TRPC4: variants seen among roughly 807,000 people sequenced by gnomAD.
TRPC4 encodes short transient receptor potential channel 4.
Under a neutral mutation model 99.4 loss-of-function variants are expected in TRPC4, and 49 were observed. That is an observed-to-expected ratio of 0.49 (90% CI 0.39 to 0.63). The LOEUF (loss-of-function observed/expected upper bound fraction) is 0.63, where lower values mean the gene tolerates loss of function less well. TRPC4 is among the 20% of genes least tolerant of loss of function. The pLI, the probability that TRPC4 is intolerant of heterozygous loss-of-function variation, is 0.00. For synonymous variants in TRPC4, 454 were observed against 425.9 expected (o/e 1.07, Z -0.81); for missense variants, 898 against 1,152.9 (o/e 0.78, Z 3.20).
At chr13:37,776,547 C>T (rs1956709196) in intron 2 of TRPC4, among the ~76,000 whole-genome samples, 1 of 151,730 alleles carries the variant, frequency 6.6e-6, no homozygotes, top group Non-Finnish European at 1.5e-5. Context: ...CTGTCAATAT[C>T]CAGGATTTGA....
chr13:37,721,287 A>C (rs1482395295), intron 3 of TRPC4, among the ~76,000 whole-genome samples: 1 of 152,122 alleles, frequency 6.6e-6, no homozygotes, highest in Non-Finnish European at 1.5e-5. Flanking sequence ...TTATTTTATT[A>C]TTTATTATAT....
chr13:37,816,886 G>T (rs1297739264), intron 1 of TRPC4, among the ~76,000 whole-genome samples: 1 of 151,770 alleles, frequency 6.6e-6, no homozygotes, highest in African/African-American at 2.4e-5. Context: ...AAATTAAAGA[G>T]CCATCTCTGA....
At chr13:37,845,102 C>T (rs1225995307) in intron 1 of TRPC4, among the ~76,000 whole-genome samples, 1 of 152,122 alleles carries the variant, frequency 6.6e-6, no homozygotes, top group Admixed American at 6.5e-5. Flanking sequence ...CACAAGAATC[C>T]ACCCAGTCTA....
rs1440971421 is a variant in TRPC4, at chr13:37,783,114, G to C, written c.220C>G (p.Leu74Val). ...TTCTCATTTTCAATTGCAATGAGGAGAGCAGTTCTTCCGAGAGGATCAATG... is the reference window on the plus strand; with the variant it reads ...TTCTCATTTTCAATTGCAATGAGGACAGCAGTTCTTCCGAGAGGATCAATG... The part of the protein sequence containing the change: ...NCIDPLGRTA[L>V]LIAIENENLE... Residue 74 changes from leucine to valine, a missense_variant, in exon 2 of 11, where the codon CTC (leucine) becomes GTC (valine). Leu to Val is a conservative substitution (Grantham distance 32, BLOSUM62 1). Transcript: ENST00000379705. 1 of 1,613,268 alleles carries C rather than the reference G, an allele frequency of 6.2e-7. No homozygotes were observed. Among genetic ancestry groups the C allele is most frequent in the Admixed American group, 1.7e-5 (1 of 59,854 alleles).
intron 3 of TRPC4, among the ~76,000 whole-genome samples, chr13:37,719,017 C>A (rs1387398859): frequency 6.6e-6 from 1 of 151,938 alleles, no homozygotes; most frequent in African/African-American, 2.4e-5. Context: ...AAAAAAAAAT[C>A]TTAAAAGCAG....
chr13:37,690,098 T>C (rs1953632474), intron 4 of TRPC4, among the ~76,000 whole-genome samples: 1 of 152,252 alleles, frequency 6.6e-6, no homozygotes, highest in Admixed American at 6.5e-5. Context: ...TTAGCCATTA[T>C]GGAAAATGTA....
intron 3 of TRPC4, among the ~76,000 whole-genome samples, chr13:37,699,146 G>T (rs1384976231): frequency 6.6e-6 from 1 of 152,040 alleles, no homozygotes; most frequent in Non-Finnish European, 1.5e-5. Context: ...TTTGTAAAAT[G>T]GGGATAGTAG....
rs961425576 is a variant in TRPC4, at chr13:37,763,092, TA to T, written c.379-16638del. ...GCAATAGTAAAGGCTAATGAATGGTTAAAAAAAACCTATATAATATATACGT... is the reference window on the plus strand; with the variant it reads ...GCAATAGTAAAGGCTAATGAATGGTTAAAAAAACCTATATAATATATACGT... On this transcript the variant is annotated intron_variant, in intron 2 of 10. Transcript: ENST00000379705. Among the ~76,000 whole-genome samples the T allele has an allele frequency of 5.3e-5, 8 of 151,036 alleles. No homozygotes were observed. The East Asian group carries it at 5.9e-4, about 11-fold the overall frequency.
At chr13:37,696,031 A>C (rs929888447) in intron 3 of TRPC4, among the ~76,000 whole-genome samples, 2 of 152,230 alleles carry the variant, frequency 1.3e-5, no homozygotes, top group Non-Finnish European at 2.9e-5. Context: ...GAAACTGGGC[A>C]CTTTACAGAA....
intron 1 of TRPC4, among the ~76,000 whole-genome samples, chr13:37,824,232 A>G (rs1267584813): frequency 4.0e-5 from 6 of 150,358 alleles, no homozygotes; most frequent in Non-Finnish European, 8.8e-5. Flanking sequence ...GGACAATTTG[A>G]CTTCCTCTTT....
chr13:37,676,562 G>A (rs1953058808), intron 4 of TRPC4, among the ~76,000 whole-genome samples: 1 of 151,932 alleles, frequency 6.6e-6, no homozygotes, highest in African/African-American at 2.4e-5. Flanking sequence ...TAGTAGAGAC[G>A]GGGTGTCATC....
intron 3 of TRPC4, among the ~76,000 whole-genome samples, chr13:37,719,013 A>G (rs1230355790): frequency 6.6e-6 from 1 of 152,174 alleles, no homozygotes; most frequent in Non-Finnish European, 1.5e-5. Context: ...AAAGAAAAAA[A>G]AATCTTAAAA....
At chr13:37,828,269 G>A (rs1028898829) in intron 1 of TRPC4, among the ~76,000 whole-genome samples, 8 of 152,140 alleles carry the variant, frequency 5.3e-5, no homozygotes, top group African/African-American at 1.9e-4. Context: ...GACCGGAGCT[G>A]TTCCTATTCG....
chr13:37,867,316 C>T (rs1959826541), intron 1 of TRPC4, among the ~76,000 whole-genome samples: 1 of 151,744 alleles, frequency 6.6e-6, no homozygotes, highest in Non-Finnish European at 1.5e-5. Flanking sequence ...ATATATGCAT[C>T]GATCAGAAAA....
At chr13:37,763,284 A>G (rs1332209150) in intron 2 of TRPC4, among the ~76,000 whole-genome samples, 2 of 151,696 alleles carry the variant, frequency 1.3e-5, no homozygotes, top group Admixed American at 1.3e-4. Context: ...AAAAAGAAGG[A>G]GAGTGTGAAA....
Position 37,692,015 on chromosome 13 carries a change from T to C in TRPC4, c.1218A>G (p.Ile406Met), listed in dbSNP as rs1405901864. The C allele has an allele frequency of 1.2e-6, 2 of 1,613,424 alleles. No homozygotes were observed. The highest frequency in any genetic ancestry group is 1.3e-5 in the African/African-American group (1 of 74,912). Residue 406 changes from isoleucine (I) to methionine (M), a missense_variant, in exon 4 of 11, where the codon ATA becomes ATG. This residue lies in a region of TRPC4 where 274 missense variants were observed against 454.9 expected (regional missense o/e 0.60). Coordinates refer to ENST00000379705, the MANE Select transcript of TRPC4 (RefSeq NM_016179.4). ...GPPPTIVEWMILPWVLGFIWG... is the reference protein window; with the variant it reads ...GPPPTIVEWMMLPWVLGFIWG... Reference sequence around the variant, plus strand: ...CACATTTACCCAGGACCCACGGTAATATCATCCACTCGACGATGGTTGGTG... The same window carrying C: ...CACATTTACCCAGGACCCACGGTAACATCATCCACTCGACGATGGTTGGTG...
intron 3 of TRPC4, among the ~76,000 whole-genome samples, chr13:37,714,919 A>G (rs937030448): frequency 1.8e-4 from 27 of 152,220 alleles, no homozygotes; most frequent in African/African-American, 6.5e-4. Flanking sequence ...CAAGAACTCT[A>G]CTTATTCACC....
At chr13:37,811,528 C>T (rs965255475) in intron 1 of TRPC4, among the ~76,000 whole-genome samples, 1 of 152,052 alleles carries the variant, frequency 6.6e-6, no homozygotes, top group African/African-American at 2.4e-5. Context: ...TGGGGAGAGG[C>T]AACACAGCTA....
rs1956401521 is a variant in TRPC4, at chr13:37,767,258, A to C, written c.378+15698T>G. 2.0e-5 allele frequency among the ~76,000 whole-genome samples: 3 copies of C among 151,384 alleles called. No homozygotes were observed. In the South Asian group the frequency reaches 6.2e-4, roughly 31 times the overall value. On this transcript the variant is annotated intron_variant, in intron 2 of 10. Coordinates refer to ENST00000379705, the MANE Select transcript of TRPC4 (RefSeq NM_016179.4). Reference sequence around the variant, plus strand: ...AAAAAGCTGTATATTCTATTGCTTAAAGATTTTTAAAATGTCAAAAGAAAA... The same window carrying C: ...AAAAAGCTGTATATTCTATTGCTTACAGATTTTTAAAATGTCAAAAGAAAA...
Sources: allele counts gnomAD v4.1 joint callset (sites outside exome capture counted in the v4.1 genomes callset), GRCh38; gene constraint gnomAD v4.1.1; regional missense constraint gnomAD v4.1.1; transcripts MANE v1.5; gene names NCBI Gene and HGNC (gene_info 2026-07-23, HGNC 2026-07-21).